SLC36A1: variants seen among roughly 807,000 people sequenced by gnomAD.
The protein encoded by SLC36A1 is solute carrier family 36 member 1, also known as proton-coupled amino acid transporter 1.
SLC36A1 carries 30 observed loss-of-function variants against 47.5 expected under a neutral mutation model. The ratio of observed to expected loss-of-function variants is 0.63; its 90% CI spans 0.47 to 0.86. The LOEUF (loss-of-function observed/expected upper bound fraction) is 0.86, where lower values mean the gene tolerates loss of function less well. SLC36A1 is among the 40% of genes least tolerant of loss of function. The pLI is 0.00. For missense variants in SLC36A1, 517 were observed against 606.0 expected, an observed-to-expected ratio of 0.85 and a Z score of 1.54; for synonymous variants, 255 against 249.7, an observed-to-expected ratio of 1.02 and a Z score of -0.20.
the SLC36A1 span, chr5:151,527,993 C>T: frequency 1.9e-6 from 3 of 1,613,896 alleles, no homozygotes; most frequent in African/African-American, 1.3e-5. Context: ...CCACATGACT[C>T]ACCTGTTCCC....
At chr5:151,346,354 T>C in the SLC36A1 span, among the ~76,000 whole-genome samples, 1 of 152,178 alleles carries the variant, frequency 6.6e-6, no homozygotes, top group African/African-American at 2.4e-5. Flanking sequence ...TGGATGGCTG[T>C]GGGGAGGGGC....
the SLC36A1 span, among the ~76,000 whole-genome samples, chr5:151,372,638 G>A: frequency 6.6e-6 from 1 of 151,932 alleles, no homozygotes; most frequent in East Asian, 1.9e-4. Flanking sequence ...TTTAGAGACG[G>A]GGTCCTGCTG....
chr5:151,454,711 T>TG (rs1491337118), intron 1 of SLC36A1, among the ~76,000 whole-genome samples: 1 of 23,506 alleles, frequency 4.3e-5, no homozygotes, highest in Admixed American at 2.7e-4. Flanking sequence ...ATGTGACAGC[T>TG]TTTTTTTTTT....
the SLC36A1 span, among the ~76,000 whole-genome samples, chr5:151,416,371 C>T: frequency 6.6e-6 from 1 of 152,198 alleles, no homozygotes; most frequent in African/African-American, 2.4e-5. Flanking sequence ...CTGCTTTGAT[C>T]ACAAGTAACA....
intron 10 of SLC36A1, among the ~76,000 whole-genome samples, chr5:151,481,859 G>C (rs76037995): frequency 2.6e-5 from 4 of 152,190 alleles, no homozygotes; most frequent in African/African-American, 4.8e-5. Flanking sequence ...GGACTTAGCA[G>C]GTCACCTTAT....
Position 151,488,607 on chromosome 5 carries a change from A to C in SLC36A1, c.*353A>C. On this transcript the variant is annotated 3_prime_UTR_variant, in exon 11 of 11. Transcript: ENST00000243389. ...TACTGCACAGTTCACTTTATTTAAC[A>C]ATTTTCATGTCCCCCACCTCATGTT... 4.4e-6 allele frequency: 1 copy of C among 226,338 alleles called. No homozygotes were observed. The highest frequency in any genetic ancestry group is 9.4e-5 in the South Asian group (1 of 10,682). 14.0% of individuals were successfully genotyped at this position (226,338 alleles called of 1,614,324 possible). A position where few individuals can be genotyped will look rare whatever the true frequency, so the allele number is the denominator to read the frequency against.
At chr5:151,351,306 T>G in the SLC36A1 span, among the ~76,000 whole-genome samples, 2 of 151,960 alleles carry the variant, frequency 1.3e-5, no homozygotes, top group African/African-American at 4.8e-5. Context: ...GGTCTTTTGA[T>G]TCCCAAGCTC....
chr5:151,512,711 AG>A, the SLC36A1 span: 6 of 1,104,818 alleles, frequency 5.4e-6, no homozygotes, highest in Non-Finnish European at 7.7e-6. The surrounding 1 kb of genome is among the most constrained non-coding windows in gnomAD (Gnocchi z 4.1). Context: ...TATGGGTAGG[AG>A]GGGGGTGTTT....
chr5:151,542,339 T>C, the SLC36A1 span: 2 of 1,613,606 alleles, frequency 1.2e-6, no homozygotes, highest in Non-Finnish European at 1.7e-6. Context: ...GCATCCAGGG[T>C]CTTTAGAGTC....
the SLC36A1 span, among the ~76,000 whole-genome samples, chr5:151,555,162 A>G: frequency 6.6e-6 from 1 of 152,178 alleles, no homozygotes; most frequent in Non-Finnish European, 1.5e-5. Context: ...ACCAGTAGCT[A>G]TTTAATGCAG....
the SLC36A1 span, among the ~76,000 whole-genome samples, chr5:151,391,450 T>C: frequency 1.7e-4 from 26 of 152,126 alleles, no homozygotes; most frequent in Admixed American, 1.6e-3. Flanking sequence ...TGAATAGGAG[T>C]GGTGAGAGAG....
chr5:151,355,908 A>G, the SLC36A1 span, among the ~76,000 whole-genome samples: 1 of 152,244 alleles, frequency 6.6e-6, no homozygotes, highest in African/African-American at 2.4e-5. Flanking sequence ...GATTCACAGT[A>G]GTTCCTCCTG....
the SLC36A1 span, among the ~76,000 whole-genome samples, chr5:151,385,009 A>AGAGAGAGTGTGT: frequency 1.1e-3 from 136 of 128,512 alleles, 1 homozygote; most frequent in African/African-American, 3.8e-3. Flanking sequence ...AGAGAGAGAG[A>AGAGAGAGTGTGT]GTGTGTGTGT....
chr5:151,502,831 A>G, the SLC36A1 span, among the ~76,000 whole-genome samples: 1 of 148,508 alleles, frequency 6.7e-6, no homozygotes. Flanking sequence ...AAAACTTGGA[A>G]GCAACCAAGA....
chr5:151,356,346 A>AAAAAAAAAAAAAAAAAAAAAAAAAAAC, the SLC36A1 span, among the ~76,000 whole-genome samples: 2 of 147,660 alleles, frequency 1.4e-5, no homozygotes, highest in Admixed American at 6.7e-5. Context: ...TCACAAAAAA[A>AAAAAAAAAAAAAAAAAAAAAAAAAAAC]AAAAAAAAAA....
At chr5:151,495,205 G>C (rs1290780675), downstream of SLC36A1, among the ~76,000 whole-genome samples, 1 of 152,090 alleles carries the variant, frequency 6.6e-6, no homozygotes, top group South Asian at 2.1e-4. Context: ...ATCTCATTAC[G>C]GTTTTAATTT....
intron 2 of SLC36A1, among the ~76,000 whole-genome samples, chr5:151,460,441 C>T (rs1179562746): frequency 6.6e-6 from 1 of 152,154 alleles, no homozygotes; most frequent in East Asian, 1.9e-4. Flanking sequence ...GGAAATCGAA[C>T]AAATCAGAAG....
Position 151,476,637 on chromosome 5 carries a change from C to A in SLC36A1, c.870C>A (p.Leu290=). The A allele has an allele frequency of 1.9e-6, 3 of 1,610,502 alleles. No homozygotes were observed. The highest frequency in any genetic ancestry group is 2.5e-6 in the Non-Finnish European group (3 of 1,178,360). ...TGAAGGATCCTCGGAAGTTCCCACT[C>A]ATCCTGTACCTGGGCATGGTCATCG... ...NKMKDPRKFP[L]ILYLGMVIVT... is the part of the protein sequence containing the mutation. The change falls in exon 9 of 11, where the codon CTC becomes CTA. Residue 290 remains leucine, a synonymous_variant. Transcript: ENST00000243389.
In SLC36A1 at chr5:151,491,491, T is replaced by C. The variant is rs1760114474; in HGVS notation, c.*3237T>C. The C allele has an allele frequency of 6.9e-6, 1 of 143,922 alleles. No homozygotes were observed. Among genetic ancestry groups the C allele is most frequent in the Non-Finnish European group, 1.5e-5 (1 of 66,724 alleles). 8.9% of individuals were successfully genotyped at this position (143,922 alleles called of 1,614,324 possible). A position where few individuals can be genotyped will look rare whatever the true frequency, so the allele number is the denominator to read the frequency against. On this transcript the variant is annotated 3_prime_UTR_variant, in exon 11 of 11. Coordinates refer to ENST00000243389, the MANE Select transcript of SLC36A1 (RefSeq NM_078483.4). ...ATCTCAAACAAGTACATTAGAAAAATCATGTTTCTTCTCTCTCATCTTACT... is the reference window on the plus strand; with the variant it reads ...ATCTCAAACAAGTACATTAGAAAAACCATGTTTCTTCTCTCTCATCTTACT...
Sources: gnomAD v4.1 joint callset for allele counts (sites outside exome capture counted in the v4.1 genomes callset) on GRCh38, gnomAD v4.1.1 for gene constraint, Gnocchi (gnomAD v3.1) non-coding constraint, MANE v1.5 for transcripts, NCBI Gene and HGNC (gene_info 2026-07-23, HGNC 2026-07-21) for gene names.